Variants in TTC3 observed in about 807,000 individuals in gnomAD.
TTC3 encodes E3 ubiquitin-protein ligase TTC3.
TTC3 carries 180 observed loss-of-function variants against 249.6 expected under a neutral mutation model. The observed-to-expected ratio is 0.72, with a 90% CI of 0.64 to 0.82. The LOEUF is 0.82. Among genes scored for constraint, TTC3 ranks in the 40% least tolerant of loss-of-function variants. The pLI is 0.00. For missense variants in TTC3, 2,061 were observed against 2,398.4 expected (o/e 0.86, Z 2.94); for synonymous variants, 717 against 805.0 (o/e 0.89, Z 1.85).
intron 11 of TTC3, among the ~76,000 whole-genome samples, chr21:37,114,951 A>G (rs1474438303): frequency 6.6e-6 from 1 of 151,998 alleles, no homozygotes; most frequent in Non-Finnish European, 1.5e-5. Context: ...CAAACACCGC[A>G]TGTTCTCACT....
chr21:37,085,877 A>G (rs555252554), intron 1 of TTC3: 1 of 152,212 alleles, frequency 6.6e-6, no homozygotes, highest in Non-Finnish European at 1.5e-5. Context: ...GTAGTAAAAG[A>G]GAGTGTTTGA....
At chr21:37,076,694 A>ATTTTTTTTTTTTTTTT (rs61629167) in intron 1 of TTC3, among the ~76,000 whole-genome samples, 3 of 95,006 alleles carry the variant, frequency 3.2e-5, no homozygotes, top group Admixed American at 1.3e-4. Flanking sequence ...AAACAAAGGG[A>ATTTTTTTTTTTTTTTT]TTTTTTTTTT....
chr21:37,074,285 G>T (rs2070497581), intron 1 of TTC3, among the ~76,000 whole-genome samples: 1 of 152,210 alleles, frequency 6.6e-6, no homozygotes, highest in South Asian at 2.1e-4. Flanking sequence ...CAGTGTTGAC[G>T]CTGCCAGTGT....
intron 41 of TTC3, among the ~76,000 whole-genome samples, 192 bp downstream of exon 41, chr21:37,192,405 C>T (rs75365033): frequency 0.021 from 3,120 of 151,884 alleles, 55 homozygotes; most frequent in Middle Eastern, 0.044. Flanking sequence ...ATCAGTCTTT[C>T]TACATCTGTA....
rs758397358 is a variant in TTC3 at position 37,126,157 on chromosome 21, T to C, written c.1297+14T>C. ...CACCACCATCAAGTGAGTATTGTTT[T>C]TATATCAATTGTTGCCAAGTTAATA... is the stretch of plus-strand genomic sequence containing the variant. On this transcript the variant is annotated intron_variant, in intron 15 of 45. Transcript: ENST00000355666. 28 of 1,608,982 alleles carry C rather than the reference T, an allele frequency of 1.7e-5. No homozygotes were observed. Among genetic ancestry groups the C allele is most frequent in the Non-Finnish European group, 2.1e-5 (25 of 1,178,248 alleles).
At chr21:37,146,145 C>T (rs760475572) in intron 21 of TTC3, among the ~76,000 whole-genome samples, 5 of 152,134 alleles carry the variant, frequency 3.3e-5, no homozygotes, top group East Asian at 1.9e-4. Context: ...TAAATGGGTA[C>T]GTAAGTATTG....
rs531483415 is a variant in TTC3 at position 37,175,233 on chromosome 21, C to T, written c.4617+2489C>T. Among the ~76,000 whole-genome samples, 12 of 145,522 alleles carry T rather than the reference C, an allele frequency of 8.2e-5. No individual in the cohort carries two copies. The East Asian group carries it at 2.4e-3, about 29-fold the overall frequency. Reference sequence around the variant, plus strand: ...GAGCCGAGATCACGCCACTGCACTCCCGCCTGGACAACAGAGCGAGACTGT... The same window carrying T: ...GAGCCGAGATCACGCCACTGCACTCTCGCCTGGACAACAGAGCGAGACTGT... On this transcript the variant is annotated intron_variant, in intron 35 of 45. Transcript: ENST00000355666.
chr21:37,148,055 C>T (rs2079136519), intron 22 of TTC3, among the ~76,000 whole-genome samples: 1 of 152,118 alleles, frequency 6.6e-6, no homozygotes, highest in Admixed American at 6.6e-5. Context: ...TACATCGTCT[C>T]ACATGGGAAC....
intron 37 of TTC3, among the ~76,000 whole-genome samples, 158 bp from the exon 38 acceptor site, chr21:37,186,891 T>G (rs2083355680): frequency 6.6e-6 from 1 of 152,218 alleles, no homozygotes; most frequent in African/African-American, 2.4e-5. Context: ...CACTTGAGCC[T>G]GTGTATTGTG....
chr21:37,201,394 C>T (rs938701833), intron 45 of TTC3, 46 bp from the exon 46 acceptor site: 3 of 1,611,896 alleles, frequency 1.9e-6, no homozygotes, highest in African/African-American at 1.3e-5. Context: ...GCTAAGCTTC[C>T]TCATGGTCCT....
chr21:37,198,221 C>T (rs1045600544), intron 44 of TTC3, among the ~76,000 whole-genome samples, 196 bp downstream of exon 44: 5 of 152,130 alleles, frequency 3.3e-5, no homozygotes. Flanking sequence ...TGCTGTGATA[C>T]GTTTGGGCCC....
intron 34 of TTC3, among the ~76,000 whole-genome samples, chr21:37,171,400 G>C (rs1051007753): frequency 1.3e-5 from 2 of 152,226 alleles, no homozygotes; most frequent in African/African-American, 4.8e-5. Context: ...ACTTTGAGAA[G>C]TTGCATCACT....
intron 21 of TTC3, among the ~76,000 whole-genome samples, chr21:37,146,631 A>G (rs1470975781): frequency 6.6e-6 from 1 of 152,202 alleles, no homozygotes; most frequent in Non-Finnish European, 1.5e-5. Context: ...TTCCTATGAA[A>G]TCTCCAGAAT....
In TTC3 at chr21:37,098,126, G is replaced by A. The variant is rs547216454; in HGVS notation, c.845+1483G>A. 821 of 485,160 alleles carry A rather than the reference G, an allele frequency of 1.7e-3. 3 individuals carry two copies. The highest frequency in any genetic ancestry group is 2.4e-3 in the Non-Finnish European group (657 of 270,404). The allele number at this position is 485,160 out of a possible 1,614,324, so 30.1% of individuals were successfully genotyped here. A position where few individuals can be genotyped will look rare whatever the true frequency, so the allele number is the denominator to read the frequency against. On this transcript the variant is annotated intron_variant, in intron 10 of 45. Transcript: ENST00000355666. ...TCCATCAATACCACTGTCCTCAACG[G>A]GTTCTGACAAGAAATGAGCTGCACA...
rs571697706 is a variant in TTC3 at position 37,165,950 on chromosome 21, A to G, written c.3736A>G (p.Lys1246Glu). ...CAAACCTGTGTCTGCAAATTCTCCC[A>G]AGCCAGCTTGTGAAGATGTGAAGGC... Residue 1246 changes from lysine (K) to glutamate (E), a missense_variant, in exon 33 of 46, where the codon AAG becomes GAG. Around this residue, in one of 3 missense-constraint regions of TTC3, gnomAD observed 1,040 missense variants for 1,186.1 expected, o/e 0.88. Coordinates refer to ENST00000355666, the Ensembl canonical transcript of TTC3. 1.1e-4 allele frequency: 173 copies of G among 1,614,060 alleles called. No homozygotes were observed. The highest frequency in any genetic ancestry group is 3.3e-4 in the Middle Eastern group (2 of 6,084).
intron 27 of TTC3, among the ~76,000 whole-genome samples, chr21:37,154,788 C>T (rs572571714): frequency 1.1e-4 from 17 of 152,254 alleles, no homozygotes; most frequent in African/African-American, 2.4e-4. Flanking sequence ...CTCCGCCTCC[C>T]GGGTTCACGC....
At chr21:37,192,173 A>T (rs1487432401) in exon 41 of TTC3, 1 of 1,610,818 alleles carries the variant, frequency 6.2e-7, no homozygotes, top group East Asian at 2.2e-5. Context: ...GAACTTTCTA[A>T]AGTGCAGATT....
intron 27 of TTC3, among the ~76,000 whole-genome samples, chr21:37,154,885 C>G (rs552349470): frequency 6.6e-6 from 1 of 152,186 alleles, no homozygotes; most frequent in South Asian, 2.1e-4. Context: ...TTAGTAGAGA[C>G]GGGGTTTCAC....
chr21:37,182,076 T>G (rs914622763), intron 35 of TTC3, among the ~76,000 whole-genome samples: 5 of 152,260 alleles, frequency 3.3e-5, no homozygotes, highest in Non-Finnish European at 7.3e-5. Flanking sequence ...TTATTAGAAA[T>G]ATTAACATAG....
Sources: gnomAD v4.1 joint callset for allele counts (sites outside exome capture counted in the v4.1 genomes callset) on GRCh38, gnomAD v4.1.1 for gene constraint, gnomAD v4.1.1 regional missense constraint, MANE v1.5 for transcripts, NCBI Gene and HGNC (gene_info 2026-07-23, HGNC 2026-07-21) for gene names.